GPC5: variants seen among roughly 807,000 people sequenced by gnomAD.
The protein encoded by GPC5 is glypican-5.
Under a neutral mutation model 53.9 loss-of-function variants are expected in GPC5, and 47 were observed. The ratio of observed to expected loss-of-function variants is 0.87; its 90% CI spans 0.69 to 1.11. The LOEUF is 1.11. Among genes scored for constraint, GPC5 ranks in the 50% most tolerant of loss-of-function variants. GPC5 has a pLI of 0.00. For synonymous variants in GPC5, 286 were observed against 263.3 expected (o/e 1.09, Z -0.84); for missense variants, 748 against 713.1 (o/e 1.05, Z -0.56).
chr13:91,842,792 G>A (rs9523431), intron 5 of GPC5, among the ~76,000 whole-genome samples: 68,570 of 149,634 alleles, frequency 0.46, 16,548 homozygotes, highest in East Asian at 0.86. Flanking sequence ...CATGTTGTTT[G>A]AGATTTCTAA....
intron 7 of GPC5, among the ~76,000 whole-genome samples, chr13:92,560,855 ATATGTG>A (rs1882670171): frequency 1.2e-5 from 1 of 86,554 alleles, no homozygotes; most frequent in African/African-American, 3.4e-5. Flanking sequence ...ATAGAAAATT[ATATGTG>A]TGTGTGTGTG....
At chr13:91,580,296 T>G (rs2032311828) in intron 2 of GPC5, among the ~76,000 whole-genome samples, 1 of 152,162 alleles carries the variant, frequency 6.6e-6, no homozygotes, top group Admixed American at 6.5e-5. Flanking sequence ...GTGATCTGCC[T>G]GCCTTGGCCT....
chr13:92,601,372 A>C (rs1326748334), intron 7 of GPC5, among the ~76,000 whole-genome samples: 8 of 152,002 alleles, frequency 5.3e-5, no homozygotes, highest in Admixed American at 4.6e-4. Flanking sequence ...CCTGGCCAAC[A>C]TGGTGAAACC....
At chr13:91,742,522 C>T (rs969276439) in intron 4 of GPC5, among the ~76,000 whole-genome samples, 1 of 152,090 alleles carries the variant, frequency 6.6e-6, no homozygotes, top group African/African-American at 2.4e-5. Flanking sequence ...CACACTAGTC[C>T]TGAAAGAAGA....
chr13:92,573,509 C>A (rs527704333), intron 7 of GPC5, among the ~76,000 whole-genome samples: 1 of 152,146 alleles, frequency 6.6e-6, no homozygotes, highest in East Asian at 1.9e-4. Context: ...CAATTTCTTG[C>A]CTCTCAGCTT....
chr13:92,604,637 G>T (rs1034663080), intron 7 of GPC5, among the ~76,000 whole-genome samples: 1 of 152,122 alleles, frequency 6.6e-6, no homozygotes. Context: ...GTGAAAAATT[G>T]CCTGAAAATG....
intron 6 of GPC5, among the ~76,000 whole-genome samples, chr13:92,056,650 G>A (rs1382134602): frequency 2.0e-5 from 3 of 152,040 alleles, no homozygotes. Context: ...TTTTAAATGG[G>A]AAATAAAAGG....
intron 1 of GPC5, among the ~76,000 whole-genome samples, chr13:91,410,375 T>C (rs1488640784): frequency 2.2e-5 from 3 of 137,512 alleles, no homozygotes; most frequent in Non-Finnish European, 3.1e-5. Context: ...AGACCAAGTC[T>C]CTCTCTGTCG....
rs375735155 is a variant in GPC5 at position 91,432,114 on chromosome 13, CT to C, written c.164-16643del. On this transcript the variant is annotated intron_variant, in intron 1 of 7. Coordinates refer to ENST00000377067, the MANE Select transcript of GPC5 (RefSeq NM_004466.6). ...GGCAAAAAAATATAATTTGAGGTCT[CT>C]TTTAAAACTTAGGGGATGAGACTGC... Among the ~76,000 whole-genome samples the C allele has an allele frequency of 4.3e-3, 651 of 151,988 alleles. 4 individuals carry two copies. Among genetic ancestry groups the C allele is most frequent in the African/African-American group, 0.015 (632 of 41,424 alleles).
chr13:92,709,191 T>A (rs1458732492), intron 7 of GPC5, among the ~76,000 whole-genome samples: 1 of 151,450 alleles, frequency 6.6e-6, no homozygotes, highest in Admixed American at 6.6e-5. Context: ...GGATTATAGG[T>A]GTGCGCAACC....
intron 7 of GPC5, among the ~76,000 whole-genome samples, chr13:92,358,397 G>T (rs1309881052): frequency 6.6e-6 from 1 of 151,748 alleles, no homozygotes; most frequent in East Asian, 1.9e-4. Flanking sequence ...GGTACATGGT[G>T]CAAGCTGTTG....
chr13:92,727,873 C>A (rs1375907731), intron 7 of GPC5, among the ~76,000 whole-genome samples: 1 of 151,328 alleles, frequency 6.6e-6, no homozygotes, highest in Non-Finnish European at 1.5e-5. Flanking sequence ...TGCATTTCTA[C>A]CTTCTCTAAC....
At chr13:91,808,651 T>C (rs1214081394) in intron 5 of GPC5, among the ~76,000 whole-genome samples, 1 of 152,162 alleles carries the variant, frequency 6.6e-6, no homozygotes, top group African/African-American at 2.4e-5. Context: ...CATGAGACTT[T>C]GCAATGTAAT....
At chr13:92,134,346 A>G (rs1349787683) in intron 6 of GPC5, among the ~76,000 whole-genome samples, 3 of 152,160 alleles carry the variant, frequency 2.0e-5, no homozygotes, top group African/African-American at 7.2e-5. Context: ...AGGCAAAGGC[A>G]GTTTCCTGAG....
intron 7 of GPC5, among the ~76,000 whole-genome samples, chr13:92,428,362 T>C (rs747695149): frequency 2.0e-5 from 3 of 152,140 alleles, no homozygotes; most frequent in Non-Finnish European, 4.4e-5. Context: ...GGTAGTACCC[T>C]GTGTTATAGT....
At chr13:91,414,166 G>A (rs1878013532) in intron 1 of GPC5, among the ~76,000 whole-genome samples, 1 of 152,170 alleles carries the variant, frequency 6.6e-6, no homozygotes, top group Non-Finnish European at 1.5e-5. Context: ...CGTGTTGTGG[G>A]AGGGACCCAG....
At chr13:92,176,079 C>A (rs1302648648) in intron 7 of GPC5, among the ~76,000 whole-genome samples, 1 of 152,188 alleles carries the variant, frequency 6.6e-6, no homozygotes, top group Non-Finnish European at 1.5e-5. Context: ...GACAGTGGTT[C>A]TCAAATTTTA....
chr13:91,621,950 G>A (rs1261345124), intron 2 of GPC5, among the ~76,000 whole-genome samples: 2 of 151,940 alleles, frequency 1.3e-5, no homozygotes, highest in East Asian at 1.9e-4. Context: ...AGGCCTGAGA[G>A]CCCCCTCGAA....
At chr13:92,072,845 A>T (rs779653625) in intron 6 of GPC5, among the ~76,000 whole-genome samples, 7 of 152,214 alleles carry the variant, frequency 4.6e-5, no homozygotes, top group Non-Finnish European at 8.8e-5. Flanking sequence ...TGCTGGGATT[A>T]CAGGCATGAA....
Sources: gnomAD v4.1 joint callset for allele counts (sites outside exome capture counted in the v4.1 genomes callset) on GRCh38, gnomAD v4.1.1 for gene constraint, MANE v1.5 for transcripts, NCBI Gene and HGNC (gene_info 2026-07-23, HGNC 2026-07-21) for gene names.